Variants in AKAP6 observed in about 807,000 individuals in gnomAD.
AKAP6 encodes the protein A-kinase anchor protein 6.
In AKAP6, 58 loss-of-function variants were observed where a neutral mutation model predicts 188.5. The ratio of observed to expected loss-of-function variants is 0.31; its 90% CI spans 0.25 to 0.38. The LOEUF (loss-of-function observed/expected upper bound fraction) is 0.38, where lower values mean the gene tolerates loss of function less well. Ranked by LOEUF, AKAP6 falls within the 10% of genes least tolerant of loss-of-function variation. The pLI is 1.00. For synonymous variants in AKAP6, 989 were observed against 998.6 expected (o/e 0.99, Z 0.18); for missense variants, 2,710 against 2,740.0 (o/e 0.99, Z 0.24).
chr14:32,685,293 G>A (rs188146816), intron 8 of AKAP6, among the ~76,000 whole-genome samples: 450 of 152,128 alleles, frequency 3.0e-3, no homozygotes, highest in Non-Finnish European at 5.1e-3. Context: ...TAAGAAAGGG[G>A]AAAATTTAAG....
intron 1 of AKAP6, among the ~76,000 whole-genome samples, chr14:32,359,599 C>T (rs1244274439): frequency 6.8e-6 from 1 of 147,200 alleles, no homozygotes; most frequent in African/African-American, 2.5e-5. Flanking sequence ...CTTTTCTGTT[C>T]CAGTATCCAA....
chr14:32,687,068 A>G (rs957601198), intron 8 of AKAP6, among the ~76,000 whole-genome samples: 2 of 152,206 alleles, frequency 1.3e-5, no homozygotes, highest in South Asian at 2.1e-4. Context: ...TTAAATTAAA[A>G]TAGGATTATA....
At chr14:32,662,681 G>A (rs1368229415) in intron 7 of AKAP6, among the ~76,000 whole-genome samples, 1 of 152,146 alleles carries the variant, frequency 6.6e-6, no homozygotes, top group Admixed American at 6.6e-5. Flanking sequence ...GCCAGACACA[G>A]TACCTCTTTC....
At chr14:32,619,516 G>A (rs1435858821) in intron 7 of AKAP6, among the ~76,000 whole-genome samples, 3 of 152,074 alleles carry the variant, frequency 2.0e-5, no homozygotes, top group Non-Finnish European at 4.4e-5. Context: ...TCTCTATTCT[G>A]TTCCATTGGT....
intron 4 of AKAP6, among the ~76,000 whole-genome samples, chr14:32,572,901 A>G (rs530156975): frequency 6.6e-6 from 1 of 152,108 alleles, no homozygotes; most frequent in Non-Finnish European, 1.5e-5. Flanking sequence ...CCACTGTTCC[A>G]TTTTCTTCTG....
At chr14:32,584,059 T>C (rs1435803790) in intron 5 of AKAP6, among the ~76,000 whole-genome samples, 3 of 152,160 alleles carry the variant, frequency 2.0e-5, no homozygotes, top group African/African-American at 7.2e-5. Flanking sequence ...AAATCACCCA[T>C]CTTCTGCATC....
intron 4 of AKAP6, among the ~76,000 whole-genome samples, chr14:32,548,384 G>C (rs1350367455): frequency 6.6e-6 from 1 of 151,806 alleles, no homozygotes; most frequent in South Asian, 2.1e-4. Context: ...TTACAGGCGT[G>C]AGCCACTGTG....
At chr14:32,398,780 TTC>T (rs55959454) in intron 1 of AKAP6, among the ~76,000 whole-genome samples, 38 of 131,296 alleles carry the variant, frequency 2.9e-4, no homozygotes, top group African/African-American at 1.1e-3. Context: ...TTCTTTTCTT[TTC>T]TCTCTCTCTC....
chr14:32,707,996 A>G (rs1336099735), intron 9 of AKAP6, among the ~76,000 whole-genome samples: 1 of 152,024 alleles, frequency 6.6e-6, no homozygotes, highest in Admixed American at 6.6e-5. Flanking sequence ...AGAAATCCAC[A>G]ACTAATCACC....
intron 1 of AKAP6, among the ~76,000 whole-genome samples, chr14:32,372,736 A>G (rs1357172715): frequency 1.3e-5 from 2 of 151,312 alleles, no homozygotes; most frequent in Non-Finnish European, 2.9e-5. Context: ...AATGAATGGT[A>G]TATTCAGTTT....
intron 1 of AKAP6, among the ~76,000 whole-genome samples, chr14:32,350,809 G>A (rs1323382241): frequency 1.3e-5 from 2 of 151,972 alleles, no homozygotes; most frequent in African/African-American, 2.4e-5. Context: ...ATTTAACAGG[G>A]TAATACAGAT....
intron 1 of AKAP6, among the ~76,000 whole-genome samples, chr14:32,332,168 G>A (rs1886553971): frequency 6.6e-6 from 1 of 152,064 alleles, no homozygotes; most frequent in Admixed American, 6.6e-5. Context: ...CTAAGGTTAT[G>A]TAGTTAATAA....
chr14:32,400,077 G>C (rs1302800496), intron 1 of AKAP6, among the ~76,000 whole-genome samples: 1 of 151,994 alleles, frequency 6.6e-6, no homozygotes, highest in Non-Finnish European at 1.5e-5. Flanking sequence ...TATCTGCTTG[G>C]GGTTTACCTG....
intron 11 of AKAP6, among the ~76,000 whole-genome samples, chr14:32,763,374 G>A (rs997618991): frequency 6.6e-6 from 1 of 152,032 alleles, no homozygotes; most frequent in Non-Finnish European, 1.5e-5. Flanking sequence ...CCTGCCAAGG[G>A]TTAACTAGAA....
intron 4 of AKAP6, among the ~76,000 whole-genome samples, chr14:32,566,331 A>G (rs937999633): frequency 1.3e-5 from 2 of 151,910 alleles, no homozygotes; most frequent in South Asian, 2.1e-4. Flanking sequence ...TTATGTTAAT[A>G]TATATTATTA....
At chr14:32,673,244 A>G (rs755348760) in intron 7 of AKAP6, among the ~76,000 whole-genome samples, 3 of 152,104 alleles carry the variant, frequency 2.0e-5, no homozygotes, top group African/African-American at 7.2e-5. Flanking sequence ...CCTTCAAACA[A>G]TAAATTATTT....
rs1303009844 is a variant in AKAP6 at position 32,821,688 on chromosome 14, A to G, written c.3875A>G (p.His1292Arg). The change falls in exon 13 of 14, where the codon CAC (histidine) becomes CGC (arginine). Residue 1292 changes from histidine to arginine, a missense_variant. Around this residue, in one of 2 missense-constraint regions of AKAP6, gnomAD observed 2,473 missense variants for 2,426.1 expected, o/e 1.02. Coordinates refer to ENST00000280979, the MANE Select transcript of AKAP6 (RefSeq NM_004274.5). ...SPHIYQVYSLHNVELYEDNHM... is the reference protein window; with the variant it reads ...SPHIYQVYSLRNVELYEDNHM... ...CACATTTACCAGGTGTACAGCCTCC[A>G]CAATGTTGAACTCTATGAGGACAAC... is the stretch of plus-strand genomic sequence containing the variant. The G allele has an allele frequency of 3.1e-6, 5 of 1,613,688 alleles. No homozygotes were observed. In the African/African-American group the frequency reaches 5.3e-5, roughly 17 times the overall value.
chr14:32,557,182 G>T (rs1156582041), intron 4 of AKAP6, among the ~76,000 whole-genome samples: 1 of 152,146 alleles, frequency 6.6e-6, no homozygotes, highest in Non-Finnish European at 1.5e-5. Flanking sequence ...ACCTCCTGGA[G>T]CTTAGTTGAT....
intron 8 of AKAP6, among the ~76,000 whole-genome samples, chr14:32,693,170 T>C (rs1178179372): frequency 6.6e-6 from 1 of 152,100 alleles, no homozygotes; most frequent in African/African-American, 2.4e-5. Context: ...TCAAGGATAT[T>C]ATGAGGCTTC....
Sources: allele counts gnomAD v4.1 joint callset (sites outside exome capture counted in the v4.1 genomes callset), GRCh38; gene constraint gnomAD v4.1.1; regional missense constraint gnomAD v4.1.1; transcripts MANE v1.5; gene names NCBI Gene and HGNC (gene_info 2026-07-23, HGNC 2026-07-21).